The following TRIP12 variants were observed in gnomAD, a reference collection of about 807,000 sequenced individuals.
TRIP12 encodes thyroid hormone receptor interactor 12.
In TRIP12, 25 loss-of-function variants were observed where a neutral mutation model predicts 244.2. The observed-to-expected ratio is 0.10, with a 90% confidence interval of 0.07 to 0.14. TRIP12 has a LOEUF of 0.14. Ranked by LOEUF, TRIP12 falls within the 10% of genes least tolerant of loss-of-function variation. The pLI is 1.00. For synonymous variants in TRIP12, 905 were observed against 873.1 expected (o/e 1.04, Z -0.64); for missense variants, 1,677 against 2,486.4 (o/e 0.67, Z 6.92).
At chr2:229,918,959 T>C in intron 1 of TRIP12, among the ~76,000 whole-genome samples, 1 of 152,180 alleles carries the variant, frequency 6.6e-6, no homozygotes, top group East Asian at 1.9e-4. Context: ...ATAAAATAAA[T>C]GAAGACCAGA....
chr2:229,850,348 G>T (rs2058422802), intron 4 of TRIP12, among the ~76,000 whole-genome samples: 1 of 152,080 alleles, frequency 6.6e-6, no homozygotes, highest in Non-Finnish European at 1.5e-5. Context: ...ATTTTTCAAA[G>T]CGGTCACATA....
At chr2:229,812,519 T>C (rs1468374204) in intron 13 of TRIP12, among the ~76,000 whole-genome samples, 1 of 152,198 alleles carries the variant, frequency 6.6e-6, no homozygotes, top group Non-Finnish European at 1.5e-5. Flanking sequence ...ATAAATCCCT[T>C]ATTTGGTCGG....
At chr2:229,782,987 T>TA (rs1349263013) in intron 34 of TRIP12, among the ~76,000 whole-genome samples, 1 of 152,148 alleles carries the variant, frequency 6.6e-6, no homozygotes, top group African/African-American at 2.4e-5. Flanking sequence ...TTTGCTTGTT[T>TA]AAAAGTATCT....
At chr2:229,840,041 AAC>A (rs1289728862) in intron 5 of TRIP12, among the ~76,000 whole-genome samples, 1 of 152,212 alleles carries the variant, frequency 6.6e-6, no homozygotes, top group Non-Finnish European at 1.5e-5. Context: ...AACTAGTTCT[AAC>A]ACTTTTAGAA....
At chr2:229,921,404 G>A in intron 1 of TRIP12, 1 of 152,460 alleles carries the variant, frequency 6.6e-6, no homozygotes, top group East Asian at 1.9e-4. Context: ...CGATTTCCGG[G>A]CCCCTCGTCC....
intron 2 of TRIP12, among the ~76,000 whole-genome samples, chr2:229,869,339 A>G (rs1337080697): frequency 6.6e-6 from 1 of 152,212 alleles, no homozygotes; most frequent in East Asian, 1.9e-4. Flanking sequence ...AACACCTACC[A>G]CTTACCAGCA....
intron 33 of TRIP12, among the ~76,000 whole-genome samples, chr2:229,787,151 A>G: frequency 6.6e-6 from 1 of 152,228 alleles, no homozygotes; most frequent in Non-Finnish European, 1.5e-5. Context: ...CAACTATTAC[A>G]TAAGGGATCA....
At chr2:229,770,795 C>G (rs2033975160) in intron 39 of TRIP12, among the ~76,000 whole-genome samples, 1 of 152,158 alleles carries the variant, frequency 6.6e-6, no homozygotes, top group Non-Finnish European at 1.5e-5. Flanking sequence ...GAATATGTCT[C>G]ACGAGATCTG....
intron 1 of TRIP12, among the ~76,000 whole-genome samples, chr2:229,913,399 A>G (rs2074710095): frequency 6.6e-6 from 1 of 152,250 alleles, no homozygotes; most frequent in African/African-American, 2.4e-5. Flanking sequence ...AAGACAAGGA[A>G]TAAGTTTCAG....
chr2:229,807,988 CAG>C (rs2046304217), intron 16 of TRIP12, 124 bp from the exon 17 acceptor site: 3 of 1,046,482 alleles, frequency 2.9e-6, no homozygotes, highest in African/African-American at 1.6e-5. Context: ...TTTTTGGAGA[CAG>C]AGTCTCACTC....
chr2:229,922,114 C>T (rs1289872854), upstream of TRIP12: 2 of 172,026 alleles, frequency 1.2e-5, no homozygotes, highest in Non-Finnish European at 2.5e-5. Context: ...GGCTCGTCCG[C>T]GGGACCGGCA....
At chr2:229,780,440 C>T (rs551297165) in intron 34 of TRIP12, among the ~76,000 whole-genome samples, 127 of 152,286 alleles carry the variant, frequency 8.3e-4, no homozygotes, top group Non-Finnish European at 1.4e-3. Context: ...CAGGAGCAAG[C>T]GTAATCCTTA....
upstream of TRIP12, chr2:229,922,535 A>C: frequency 6.2e-7 from 1 of 1,612,992 alleles, no homozygotes; most frequent in Non-Finnish European, 8.5e-7. Context: ...GCTGCCGGAG[A>C]CTCTCTTTGA....
rs1247552454 is a variant in TRIP12, at chr2:229,858,755, C to T, written c.1027+17G>A. On this transcript the variant is annotated intron_variant, in intron 4 of 41. Coordinates refer to ENST00000675903, the MANE Select transcript of TRIP12 (RefSeq NM_001348323.3). ...AACTTTCTTTAATTAAAGAAAAATA[C>T]CTTTTTGTAAACTTACTTGCTAATT... 1.3e-6 allele frequency: 2 copies of T among 1,545,320 alleles called. No homozygotes were observed. The highest frequency in any genetic ancestry group is 1.4e-5 in the African/African-American group (1 of 71,944).
intron 26 of TRIP12, among the ~76,000 whole-genome samples, chr2:229,793,850 GTT>G (rs34301622): frequency 6.8e-6 from 1 of 146,772 alleles, no homozygotes. Flanking sequence ...TACAATGAGT[GTT>G]TTTTTTTTTT....
At chr2:229,878,443 TAA>T (rs779143943) in intron 2 of TRIP12, among the ~76,000 whole-genome samples, 9 of 133,294 alleles carry the variant, frequency 6.8e-5, no homozygotes, top group Admixed American at 1.5e-4. Flanking sequence ...GCAACTGTTT[TAA>T]AAAAAAAAAA....
chr2:229,876,190 T>A (rs2063541279), intron 2 of TRIP12, among the ~76,000 whole-genome samples: 1 of 152,072 alleles, frequency 6.6e-6, no homozygotes, highest in Non-Finnish European at 1.5e-5. Flanking sequence ...GCAGGAGAAT[T>A]GCTAGAACCC....
intron 8 of TRIP12, among the ~76,000 whole-genome samples, chr2:229,827,675 C>G (rs1157514335): frequency 6.6e-6 from 1 of 152,090 alleles, no homozygotes; most frequent in Non-Finnish European, 1.5e-5. Context: ...TCTGGAATAC[C>G]TACTACTGAG....
chr2:229,866,235 C>T (rs772963851), intron 2 of TRIP12, among the ~76,000 whole-genome samples: 2 of 152,162 alleles, frequency 1.3e-5, no homozygotes, highest in East Asian at 1.9e-4. Flanking sequence ...AAGAATGCAA[C>T]GACAAGCGAT....
Sources: allele counts gnomAD v4.1 joint callset (sites outside exome capture counted in the v4.1 genomes callset), GRCh38; gene constraint gnomAD v4.1.1; transcripts MANE v1.5; gene names NCBI Gene and HGNC (gene_info 2026-07-23, HGNC 2026-07-21).